The following PALD1 variants were observed in gnomAD, a reference collection of about 807,000 sequenced individuals.
PALD1 encodes the protein paladin.
PALD1 carries 57 observed loss-of-function variants against 96.0 expected under a neutral mutation model. That is an observed-to-expected ratio of 0.59 (90% confidence interval 0.48 to 0.74). PALD1 has a LOEUF of 0.74. Ranked by LOEUF, PALD1 falls within the 30% of genes least tolerant of loss-of-function variation. The pLI, the probability that PALD1 is intolerant of heterozygous loss-of-function variation, is 0.00. For synonymous variants in PALD1, 464 were observed against 473.6 expected, an observed-to-expected ratio of 0.98 and a Z score of 0.26; for missense variants, 1,063 against 1,143.7, an observed-to-expected ratio of 0.93 and a Z score of 1.02.
chr10:70,486,061 T>G (rs984095113), intron 1 of PALD1: 17 of 225,604 alleles, frequency 7.5e-5, no homozygotes, highest in Non-Finnish European at 1.3e-4. Context: ...TTCCAGCAAG[T>G]TATGCCGATT....
chr10:70,530,411 C>CT (rs1846968869), intron 4 of PALD1, among the ~76,000 whole-genome samples: 1 of 152,164 alleles, frequency 6.6e-6, no homozygotes, highest in South Asian at 2.1e-4. Flanking sequence ...ACAGCTAACA[C>CT]TTAAGTCCTG....
At chr10:70,549,583 C>T (rs748270318) in intron 18 of PALD1, among the ~76,000 whole-genome samples, 6 of 152,226 alleles carry the variant, frequency 3.9e-5, no homozygotes, top group Non-Finnish European at 8.8e-5. Flanking sequence ...CCTGGGAAGG[C>T]GCATCAGGTG....
chr10:70,514,960 C>T (rs935948137), intron 1 of PALD1, among the ~76,000 whole-genome samples: 6 of 152,120 alleles, frequency 3.9e-5, no homozygotes, highest in Admixed American at 3.3e-4. Context: ...TGTTTAGAAG[C>T]GATGGATGAG....
At chr10:70,542,197 G>A (rs1847264816) in intron 17 of PALD1, among the ~76,000 whole-genome samples, 1 of 152,214 alleles carries the variant, frequency 6.6e-6, no homozygotes, top group South Asian at 2.1e-4. Flanking sequence ...CTAAGCTCTT[G>A]CAGCCTTTGC....
the PALD1 span, among the ~76,000 whole-genome samples, chr10:70,464,525 A>G: frequency 1.3e-5 from 2 of 149,614 alleles, no homozygotes; most frequent in Non-Finnish European, 3.0e-5. Context: ...GGCTTCTTTC[A>G]CTCATCATTA....
At chr10:70,559,696 G>A (rs1847697275) in intron 18 of PALD1, among the ~76,000 whole-genome samples, 1 of 152,148 alleles carries the variant, frequency 6.6e-6, no homozygotes, top group Non-Finnish European at 1.5e-5. Flanking sequence ...GTTCTGGCCT[G>A]TGTACCTGGG....
chr10:70,539,772 C>T lies in PALD1; in HGVS notation c.1908+10C>T. ...TGCCCCCCGAGAGGAGGTGAGGGTG[C>T]TGCTCAGGCTGAGGCCTCTGGGGAG... On this transcript the variant is annotated intron_variant, in intron 15 of 19. Transcript: ENST00000263563. The surrounding 1 kb of genome is among the most constrained non-coding windows in gnomAD (Gnocchi z 4.5). The T allele has an allele frequency of 6.2e-7, 1 of 1,603,838 alleles. No individual in the cohort carries two copies. Among genetic ancestry groups the T allele is most frequent in the Non-Finnish European group, 8.5e-7 (1 of 1,177,142 alleles).
chr10:70,477,976 C>G (rs910056711), upstream of PALD1, among the ~76,000 whole-genome samples: 67 of 151,574 alleles, frequency 4.4e-4, no homozygotes, highest in African/African-American at 1.6e-3. Context: ...CGGGGGCGTG[C>G]GGGGCCGTCG....
At chr10:70,541,737 C>T (rs953868728) in intron 17 of PALD1, among the ~76,000 whole-genome samples, 20 of 152,150 alleles carry the variant, frequency 1.3e-4, no homozygotes, top group African/African-American at 4.6e-4. Context: ...TGGCAGACGG[C>T]CGGCTATGGA....
chr10:70,550,365 A>G (rs1847457177), intron 18 of PALD1, among the ~76,000 whole-genome samples: 1 of 152,148 alleles, frequency 6.6e-6, no homozygotes, highest in African/African-American at 2.4e-5. Flanking sequence ...GTTAAAATGC[A>G]GGCTGCTGGG....
chr10:70,561,506 C>G (rs187151781), intron 18 of PALD1, among the ~76,000 whole-genome samples: 1 of 152,098 alleles, frequency 6.6e-6, no homozygotes. Flanking sequence ...GGTGGGGTTG[C>G]GTTGTATTGG....
At chr10:70,533,133 A>ACCCTGAGCACCTCCAT in intron 7 of PALD1, 63 bp downstream of exon 7, 1 of 1,368,786 alleles carries the variant, frequency 7.3e-7, no homozygotes, top group Non-Finnish European at 1.0e-6. Context: ...GGAGGTGCTC[A>ACCCTGAGCACCTCCAT]GGGTGGGCAC....
In PALD1 at chr10:70,538,982, T is replaced by TACGGC; in HGVS notation, c.1549_1553dup (p.Gln519ArgfsTer16). 1 of 1,613,798 alleles carries TACGGC rather than the reference T, an allele frequency of 6.2e-7. No individual in the cohort carries two copies. Among genetic ancestry groups the TACGGC allele is most frequent in the Middle Eastern group, 1.6e-4 (1 of 6,062 alleles). On this transcript the variant is annotated frameshift_variant, in exon 13 of 20. Transcript: ENST00000263563. LOFTEE classifies it high-confidence loss of function. ...CCGGCGGGTGCCCCGCATGCCCATC[T>TACGGC]ACGGCACGGCCCAGCCCAGCGCCAA...
At chr10:70,473,513 G>A in the PALD1 span, among the ~76,000 whole-genome samples, 2 of 152,026 alleles carry the variant, frequency 1.3e-5, no homozygotes, top group Admixed American at 1.3e-4. Flanking sequence ...TTTTTGTTGT[G>A]TACTTGTTTA....
intron 1 of PALD1, among the ~76,000 whole-genome samples, chr10:70,505,969 C>T (rs182252649): frequency 1.5e-3 from 226 of 152,046 alleles, no homozygotes; most frequent in African/African-American, 5.1e-3. Flanking sequence ...TGTGGTGAAC[C>T]GTGATCGTGC....
At chr10:70,463,342 G>A in the PALD1 span, among the ~76,000 whole-genome samples, 5 of 151,968 alleles carry the variant, frequency 3.3e-5, no homozygotes, top group Non-Finnish European at 5.9e-5. Context: ...CCCGGCAGGC[G>A]GGAACCGAGA....
chr10:70,553,980 G>A (rs917619654), intron 18 of PALD1, among the ~76,000 whole-genome samples: 1 of 152,210 alleles, frequency 6.6e-6, no homozygotes, highest in African/African-American at 2.4e-5. Flanking sequence ...TGAGGGAACA[G>A]CCTCGACCCT....
At chr10:70,564,591 A>G in intron 19 of PALD1, 72 bp downstream of exon 19, 1 of 1,476,812 alleles carries the variant, frequency 6.8e-7, no homozygotes, top group East Asian at 2.3e-5. Context: ...ACAGCCACTC[A>G]GTGCCTGTAC....
At chr10:70,488,704 A>C (rs1846050270) in intron 1 of PALD1, among the ~76,000 whole-genome samples, 1 of 152,198 alleles carries the variant, frequency 6.6e-6, no homozygotes, top group Admixed American at 6.5e-5. Flanking sequence ...TTCTGAGCAC[A>C]TGCCCTGAGC....
Sources: allele counts gnomAD v4.1 joint callset (sites outside exome capture counted in the v4.1 genomes callset), GRCh38; gene constraint gnomAD v4.1.1; non-coding constraint Gnocchi (gnomAD v3.1); transcripts MANE v1.5; gene names NCBI Gene and HGNC (gene_info 2026-07-23, HGNC 2026-07-21).